SAE1: variants seen among roughly 807,000 people sequenced by gnomAD.
SAE1 encodes SUMO1 activating enzyme subunit 1.
A neutral mutation model predicts 40.6 loss-of-function variants in SAE1; 11 were observed. That is an observed-to-expected ratio of 0.27 (90% confidence interval 0.17 to 0.45). The LOEUF is 0.45. SAE1 is among the 20% of genes least tolerant of loss of function. The probability of loss-of-function intolerance (pLI) is 1.00; values close to 1 mark genes in which losing one functional copy is unlikely to be tolerated. For synonymous variants in SAE1, 155 were observed against 154.3 expected, an observed-to-expected ratio of 1.00 and a Z score of -0.03; for missense variants, 373 against 427.3, an observed-to-expected ratio of 0.87 and a Z score of 1.12.
chr19:47,138,244 A>C (rs139818565), intron 1 of SAE1, among the ~76,000 whole-genome samples: 2 of 151,824 alleles, frequency 1.3e-5, no homozygotes, highest in South Asian at 4.1e-4. Context: ...AGGTTTCGCC[A>C]TGTTGGCCAG....
At chr19:47,203,338 G>A (rs980323270) in intron 7 of SAE1, among the ~76,000 whole-genome samples, 3 of 152,196 alleles carry the variant, frequency 2.0e-5, no homozygotes, top group South Asian at 2.1e-4. Context: ...AGAATTGCGA[G>A]AATGTGACCA....
At chr19:47,149,699 A>G (rs2058275772) in intron 2 of SAE1, among the ~76,000 whole-genome samples, 1 of 152,148 alleles carries the variant, frequency 6.6e-6, no homozygotes, top group South Asian at 2.1e-4. Context: ...CTCTTTAACC[A>G]TCAATGACCA....
chr19:47,200,105 T>C (rs1030429599), intron 7 of SAE1, among the ~76,000 whole-genome samples: 4 of 151,808 alleles, frequency 2.6e-5, no homozygotes, highest in African/African-American at 7.2e-5. Context: ...TAATTTTTTT[T>C]GTATTTTTTA....
At chr19:47,160,392 T>A (rs1172873317) in intron 5 of SAE1, among the ~76,000 whole-genome samples, 5 of 134,234 alleles carry the variant, frequency 3.7e-5, no homozygotes, top group South Asian at 5.3e-4. Flanking sequence ...CAGCTAATTT[T>A]TTTTTTTTTT....
chr19:47,205,661 C>A (rs976287462), intron 8 of SAE1, among the ~76,000 whole-genome samples: 2 of 152,092 alleles, frequency 1.3e-5, no homozygotes, highest in Admixed American at 1.3e-4. Context: ...ATTTTTGTAG[C>A]CTAAAATGAC....
At chr19:47,161,541 G>A (rs1292028776) in intron 5 of SAE1, among the ~76,000 whole-genome samples, 2 of 152,144 alleles carry the variant, frequency 1.3e-5, no homozygotes, top group Non-Finnish European at 2.9e-5. Context: ...ACACCTGGAA[G>A]GGGCAGATAC....
At chr19:47,152,795 TG>T (rs1278835179) in intron 3 of SAE1, 102 bp from the exon 4 acceptor site, 1 of 1,131,106 alleles carries the variant, frequency 8.8e-7, no homozygotes, top group Non-Finnish European at 1.3e-6. Context: ...AAACATGCTT[TG>T]AGCATGCCCA....
intron 1 of SAE1, among the ~76,000 whole-genome samples, chr19:47,141,630 G>A (rs558300329): frequency 2.0e-5 from 3 of 152,216 alleles, no homozygotes; most frequent in South Asian, 4.1e-4. Context: ...AATGGCATTG[G>A]AGTTGGGTTT....
chr19:47,203,019 C>A (rs748824322), intron 7 of SAE1, among the ~76,000 whole-genome samples: 22 of 152,150 alleles, frequency 1.4e-4, no homozygotes, highest in Admixed American at 2.6e-4. Context: ...GAGCACACAG[C>A]ATTGTGTTCA....
intron 7 of SAE1, among the ~76,000 whole-genome samples, chr19:47,199,301 C>T (rs1298984892): frequency 6.9e-6 from 1 of 144,030 alleles, no homozygotes; most frequent in African/African-American, 2.6e-5. Context: ...AGGAGAATGG[C>T]GTGAACCCGG....
At position 47,148,617 on chromosome 19, in the gene SAE1, CT is replaced by C. The variant is rs923760660; in HGVS notation, c.211-1570del. Among the ~76,000 whole-genome samples the C allele has an allele frequency of 4.4e-3, 613 of 139,266 alleles. 3 individuals are homozygous for C. Among genetic ancestry groups the C allele is most frequent in the Non-Finnish European group, 5.1e-3 (322 of 63,236 alleles). 91.4% of individuals were successfully genotyped at this position (139,266 alleles called of 152,430 possible). On this transcript the variant is annotated intron_variant, in intron 2 of 8. Transcript: ENST00000270225. ...ACTCATCTCTCCACCTCTCTGAGTTCTTTTTTTTTTTTTTTGAGACAGAGTC... is the reference window on the plus strand; with the variant it reads ...ACTCATCTCTCCACCTCTCTGAGTTCTTTTTTTTTTTTTTGAGACAGAGTC...
chr19:47,195,689 C>T (rs1443444963), intron 6 of SAE1, among the ~76,000 whole-genome samples: 2 of 151,400 alleles, frequency 1.3e-5, no homozygotes. Flanking sequence ...TCCCCTTCCC[C>T]TTCGCTTCTT....
chr19:47,143,658 G>A (rs1459388647), intron 2 of SAE1, 53 bp downstream of exon 2: 1 of 1,357,114 alleles, frequency 7.4e-7, no homozygotes, highest in Non-Finnish European at 1.1e-6. Flanking sequence ...TTTCCAGCAT[G>A]AAGATCTGCA....
In SAE1 at chr19:47,147,199, G is replaced by GTTTT. The variant is rs397859917; in HGVS notation, c.211-2978_211-2975dup. The stretch of plus-strand genomic sequence containing the variant: ...TGAAATGATAATTGTATGTGTATGG[G>GTTTT]TTTTTTTTTTTTTTTTTTTTTTTTT... On this transcript the variant is annotated intron_variant, in intron 2 of 8. Coordinates refer to ENST00000270225, the MANE Select transcript of SAE1 (RefSeq NM_005500.3). 4.7e-3 allele frequency among the ~76,000 whole-genome samples: 284 copies of GTTTT among 60,994 alleles called. 9 individuals are homozygous for GTTTT. The highest frequency in any genetic ancestry group is 0.018 in the African/African-American group (271 of 14,742). 40.0% of individuals were successfully genotyped at this position (60,994 alleles called of 152,430 possible). A position where few individuals can be genotyped will look rare whatever the true frequency, so the allele number is the denominator to read the frequency against.
chr19:47,170,273 G>A lies in SAE1; in HGVS notation c.733+350G>A, dbSNP rs961569797. Among the ~76,000 whole-genome samples the A allele has an allele frequency of 3.3e-5, 5 of 149,806 alleles. No homozygotes were observed. In the Admixed American group the frequency reaches 3.3e-4, roughly 10 times the overall value. On this transcript the variant is annotated intron_variant, in intron 6 of 8. Coordinates refer to ENST00000270225, the MANE Select transcript of SAE1 (RefSeq NM_005500.3). The stretch of plus-strand genomic sequence containing the variant: ...TGTCACCCAGACTGGAGTGCAGTGG[G>A]GTGCAATCTTGGCTCACTGCAACCT...
At chr19:47,196,444 A>G (rs1167937676) in intron 6 of SAE1, among the ~76,000 whole-genome samples, 2 of 140,526 alleles carry the variant, frequency 1.4e-5, no homozygotes, top group Non-Finnish European at 3.0e-5. Flanking sequence ...GTTCACTGCA[A>G]CTTCCGCCTG....
chr19:47,194,163 C>G (rs2058598483), intron 6 of SAE1, among the ~76,000 whole-genome samples: 1 of 152,228 alleles, frequency 6.6e-6, no homozygotes, highest in Admixed American at 6.5e-5. Flanking sequence ...GACCAAGATT[C>G]ACTCACTCGC....
intron 8 of SAE1, among the ~76,000 whole-genome samples, chr19:47,208,169 T>A (rs1313464709): frequency 6.6e-6 from 1 of 152,194 alleles, no homozygotes; most frequent in African/African-American, 2.4e-5. Context: ...CTTTCTCAGT[T>A]GAATAGTCAT....
Position 47,150,284 on chromosome 19 carries a change from G to T in SAE1, c.293G>T (p.Arg98Leu). 1.2e-6 allele frequency: 2 copies of T among 1,613,696 alleles called. No individual in the cohort carries two copies. The highest frequency in any genetic ancestry group is 8.5e-7 in the Non-Finnish European group (1 of 1,179,772). The change falls in exon 3 of 9, where the codon CGA (arginine) becomes CTA (leucine). Residue 98 changes from arginine (R) to leucine (L), a missense_variant. Around this residue, in one of 3 missense-constraint regions of SAE1, gnomAD observed 351 missense variants for 390.6 expected, o/e 0.90. Transcript: ENST00000270225. ...AATAGGGCTGAAGCCTCTTTGGAGC[G>T]AGCTCAGAATCTCAACCCCATGGTG... ...GRNRAEASLE[R>L]AQNLNPMVDV...
Sources: gnomAD v4.1 joint callset for allele counts (sites outside exome capture counted in the v4.1 genomes callset) on GRCh38, gnomAD v4.1.1 for gene constraint, gnomAD v4.1.1 regional missense constraint, MANE v1.5 for transcripts, NCBI Gene and HGNC (gene_info 2026-07-23, HGNC 2026-07-21) for gene names.